SEC14L5: variants seen among roughly 807,000 people sequenced by gnomAD.
SEC14L5 encodes the protein SEC14 like lipid binding 5.
SEC14L5 carries 96 observed loss-of-function variants against 84.6 expected under a neutral mutation model. The ratio of observed to expected loss-of-function variants is 1.13; its 90% CI spans 0.96 to 1.34. SEC14L5 has a LOEUF of 1.34. SEC14L5 is among the 40% of genes most tolerant of loss of function. The probability of loss-of-function intolerance (pLI) is 0.00; values close to 1 mark genes in which losing one functional copy is unlikely to be tolerated. For synonymous variants in SEC14L5, 546 were observed against 383.4 expected, an observed-to-expected ratio of 1.42 and a Z score of -4.95; for missense variants, 1,224 against 942.5, an observed-to-expected ratio of 1.30 and a Z score of -3.91.
intron 8 of SEC14L5, among the ~76,000 whole-genome samples, chr16:4,997,571 A>G (rs1955625916): frequency 6.6e-6 from 1 of 152,194 alleles, no homozygotes; most frequent in African/African-American, 2.4e-5. Context: ...GTGAGCCCAC[A>G]ATTACTCACA....
chr16:4,999,856 A>C (rs1048333514), intron 8 of SEC14L5, among the ~76,000 whole-genome samples: 1 of 152,082 alleles, frequency 6.6e-6, no homozygotes, highest in Admixed American at 6.6e-5. Flanking sequence ...CAGAGGTTGC[A>C]GTGAGCTGAG....
At chr16:4,996,716 C>T (rs909649660) in intron 7 of SEC14L5, 139 bp from the exon 8 acceptor site, 44 of 688,466 alleles carry the variant, frequency 6.4e-5, no homozygotes, top group Admixed American at 1.2e-4. Context: ...GGGTTACAGG[C>T]GCACACCACC....
intron 2 of SEC14L5, among the ~76,000 whole-genome samples, chr16:4,980,276 G>A (rs545595910): frequency 4.6e-5 from 7 of 152,178 alleles, no homozygotes; most frequent in East Asian, 1.9e-4. Flanking sequence ...CCTTCCAGAC[G>A]GAGCCTCAGC....
chr16:5,005,611 C>T (rs1377217429), intron 11 of SEC14L5, among the ~76,000 whole-genome samples: 1 of 151,960 alleles, frequency 6.6e-6, no homozygotes, highest in Admixed American at 6.6e-5. Flanking sequence ...CCTGTAATCC[C>T]AGCACTTTGG....
intron 14 of SEC14L5, 112 bp from the exon 15 acceptor site, chr16:5,010,983 G>A: frequency 9.7e-7 from 1 of 1,027,646 alleles, no homozygotes; most frequent in Non-Finnish European, 1.4e-6. Flanking sequence ...AGGGACAGAG[G>A]GAGAAGAGCC....
intron 10 of SEC14L5, among the ~76,000 whole-genome samples, chr16:5,001,828 A>C (rs1955681478): frequency 6.6e-6 from 1 of 151,746 alleles, no homozygotes; most frequent in African/African-American, 2.4e-5. Context: ...GCTGGAGTGC[A>C]GTGGTGCAAT....
chr16:4,967,067 C>T (rs1955209301), intron 2 of SEC14L5, among the ~76,000 whole-genome samples: 1 of 152,336 alleles, frequency 6.6e-6, no homozygotes, highest in Admixed American at 6.5e-5. Context: ...GGAGACTGTC[C>T]CTCAGTGACC....
Position 5,011,139 on chromosome 16 carries a change from G to T in SEC14L5, c.1845G>T (p.Trp615Cys), listed in dbSNP as rs1469789903. The part of the protein sequence containing the change: ...TRWPGVYLLQ[W>C]QMHSPPSSVA... ...GGCCCGGCGTCTACCTGCTCCAGTG[G>T]CAAATGCACAGCCCCCCCAGCAGCG... The change falls in exon 15 of 16, where the codon TGG (tryptophan) becomes TGT (cysteine). Residue 615 changes from tryptophan (W) to cysteine (C), a missense_variant. Transcript: ENST00000251170. 1 of 1,611,570 alleles carries T rather than the reference G, an allele frequency of 6.2e-7. No homozygotes were observed. Among genetic ancestry groups the T allele is most frequent in the Non-Finnish European group, 8.5e-7 (1 of 1,178,984 alleles).
At chr16:4,981,445 G>A (rs930782845) in intron 2 of SEC14L5, among the ~76,000 whole-genome samples, 12 of 152,034 alleles carry the variant, frequency 7.9e-5, no homozygotes, top group East Asian at 3.9e-4. Flanking sequence ...ATCCTCCCCC[G>A]AAATCATTTC....
intron 10 of SEC14L5, among the ~76,000 whole-genome samples, chr16:5,002,147 C>A (rs1270497177): frequency 6.6e-6 from 1 of 152,162 alleles, no homozygotes; most frequent in African/African-American, 2.4e-5. Context: ...CTTGCACTTG[C>A]TATGTAGCAG....
At chr16:4,970,557 A>G (rs1188546763) in intron 2 of SEC14L5, among the ~76,000 whole-genome samples, 1 of 152,170 alleles carries the variant, frequency 6.6e-6, no homozygotes, top group Non-Finnish European at 1.5e-5. Context: ...GTAAATGTCA[A>G]GCTGCTCTAG....
At chr16:4,979,044 C>T (rs1251206609) in intron 2 of SEC14L5, among the ~76,000 whole-genome samples, 1 of 152,160 alleles carries the variant, frequency 6.6e-6, no homozygotes, top group East Asian at 1.9e-4. Context: ...ATATCTTCTC[C>T]AAGTCAGATG....
intron 2 of SEC14L5, among the ~76,000 whole-genome samples, chr16:4,984,207 G>T (rs575153990): frequency 6.6e-6 from 1 of 152,184 alleles, no homozygotes; most frequent in Admixed American, 6.5e-5. Context: ...CACCACTCCT[G>T]GTCCCTGGCA....
intron 2 of SEC14L5, among the ~76,000 whole-genome samples, chr16:4,975,262 G>A (rs1253616898): frequency 6.6e-6 from 1 of 151,854 alleles, no homozygotes; most frequent in Non-Finnish European, 1.5e-5. Context: ...CACAAGGTCA[G>A]GAGATCAAGA....
At chr16:4,968,160 C>G (rs1053774672) in intron 2 of SEC14L5, among the ~76,000 whole-genome samples, 1 of 151,486 alleles carries the variant, frequency 6.6e-6, no homozygotes, top group Non-Finnish European at 1.5e-5. Flanking sequence ...GCTGAGACCA[C>G]AGGTGTTCAC....
intron 15 of SEC14L5, among the ~76,000 whole-genome samples, chr16:5,011,713 T>A (rs889056218): frequency 6.6e-6 from 1 of 152,196 alleles, no homozygotes; most frequent in Non-Finnish European, 1.5e-5. Flanking sequence ...CACTTCCTGG[T>A]TGCTGTGTGA....
In SEC14L5 at chr16:4,981,668, G is replaced by A. The variant is rs78868138; in HGVS notation, c.64-5889G>A. Among the ~76,000 whole-genome samples, 822 of 152,262 alleles carry A rather than the reference G, an allele frequency of 5.4e-3. 27 individuals are homozygous for A. Among genetic ancestry groups the A allele is most frequent in the Admixed American group, 0.038 (578 of 15,284 alleles). ...TGAGCAAACGGTTCTTGGAGGGAGT[G>A]GGGACTGGGCCCAACTGGGATTCAA... On this transcript the variant is annotated intron_variant, in intron 2 of 15. Coordinates refer to ENST00000251170, the MANE Select transcript of SEC14L5 (RefSeq NM_014692.2).
intron 15 of SEC14L5, among the ~76,000 whole-genome samples, chr16:5,013,244 C>T (rs982989139): frequency 6.6e-6 from 1 of 152,128 alleles, no homozygotes; most frequent in Non-Finnish European, 1.5e-5. Flanking sequence ...AGGAGGTGCT[C>T]AGGGACGTAA....
At chr16:5,005,739 C>T (rs1352474597) in intron 11 of SEC14L5, among the ~76,000 whole-genome samples, 175 bp from the exon 12 acceptor site, 3 of 151,494 alleles carry the variant, frequency 2.0e-5, no homozygotes, top group African/African-American at 7.3e-5. Context: ...TGGTGGGTGC[C>T]TGTAGTCCCA....
Sources: gnomAD v4.1 joint callset for allele counts (sites outside exome capture counted in the v4.1 genomes callset) on GRCh38, gnomAD v4.1.1 for gene constraint, MANE v1.5 for transcripts, NCBI Gene and HGNC (gene_info 2026-07-23, HGNC 2026-07-21) for gene names.